The following RELCH variants were observed in gnomAD, a reference collection of about 807,000 sequenced individuals.
RELCH encodes the protein RAB11-binding protein RELCH.
A neutral mutation model predicts 150.3 loss-of-function variants in RELCH; 41 were observed. The observed-to-expected ratio is 0.27, with a 90% CI of 0.21 to 0.35. The LOEUF (loss-of-function observed/expected upper bound fraction) is 0.35, where lower values mean the gene tolerates loss of function less well. Among genes scored for constraint, RELCH ranks in the 10% least tolerant of loss-of-function variants. RELCH has a pLI of 1.00. For missense variants in RELCH, 1,092 were observed against 1,467.8 expected (o/e 0.74, Z 4.18); for synonymous variants, 478 against 531.8 (o/e 0.90, Z 1.39).
At chr18:62,211,877 C>G (rs1466673570) in intron 2 of RELCH, among the ~76,000 whole-genome samples, 3 of 152,192 alleles carry the variant, frequency 2.0e-5, no homozygotes, top group African/African-American at 7.2e-5. Context: ...CCAACCATCA[C>G]AGCATGTCTT....
intron 11 of RELCH, among the ~76,000 whole-genome samples, chr18:62,250,069 G>A (rs2042621323): frequency 6.6e-6 from 1 of 152,010 alleles, no homozygotes; most frequent in Non-Finnish European, 1.5e-5. Context: ...CTTGTACTGT[G>A]ATTTTCCACA....
At chr18:62,236,729 G>A (rs1458682085) in intron 10 of RELCH, among the ~76,000 whole-genome samples, 4 of 151,678 alleles carry the variant, frequency 2.6e-5, no homozygotes, top group Admixed American at 6.6e-5. Flanking sequence ...CTAGCTAAAC[G>A]TTTGTCAATT....
intron 10 of RELCH, among the ~76,000 whole-genome samples, chr18:62,244,439 A>C (rs892205418): frequency 6.6e-6 from 1 of 152,136 alleles, no homozygotes; most frequent in Non-Finnish European, 1.5e-5. Context: ...TTAGAATTAA[A>C]ATTACGGTGT....
intron 1 of RELCH, among the ~76,000 whole-genome samples, chr18:62,204,676 A>G (rs578053552): frequency 3.7e-4 from 57 of 152,302 alleles, no homozygotes; most frequent in African/African-American, 1.3e-3. Flanking sequence ...AGACGTACTG[A>G]TAACCCAATG....
At chr18:62,238,543 G>A (rs2041987378) in intron 10 of RELCH, among the ~76,000 whole-genome samples, 1 of 152,000 alleles carries the variant, frequency 6.6e-6, no homozygotes, top group Non-Finnish European at 1.5e-5. Context: ...ACTTCAAGTA[G>A]CATTTTTGGT....
chr18:62,261,104 A>G (rs1389109389), intron 15 of RELCH, among the ~76,000 whole-genome samples: 1 of 152,040 alleles, frequency 6.6e-6, no homozygotes, highest in Admixed American at 6.6e-5. Flanking sequence ...CAATACCTTG[A>G]TTCAATCATT....
chr18:62,228,628 A>G lies in RELCH; in HGVS notation c.1448+30A>G, dbSNP rs757712942. 2.6e-6 allele frequency: 4 copies of G among 1,529,040 alleles called. No homozygotes were observed. The South Asian group carries it at 3.7e-5, about 14-fold the overall frequency. The allele number at this position is 1,529,040 out of a possible 1,614,324, so 94.7% of individuals were successfully genotyped here. The stretch of plus-strand genomic sequence containing the variant: ...GTATGCATCCTATATTTTGAAATGC[A>G]TCTTTCAGCTATTTAGTACATGTCA... On this transcript the variant is annotated intron_variant, in intron 8 of 28. Transcript: ENST00000644646.
chr18:62,236,459 G>C lies in RELCH; in HGVS notation c.1620+4032G>C, dbSNP rs572021458. Among the ~76,000 whole-genome samples the C allele has an allele frequency of 4.0e-5, 6 of 151,684 alleles. No individual in the cohort carries two copies. In the East Asian group the frequency reaches 7.7e-4, roughly 19 times the overall value. ...GTATTTGGTATTGGTTTTGGTATTG[G>C]GCTAAGGCTGGCTTGATAGGGTATA... On this transcript the variant is annotated intron_variant, in intron 10 of 28. Transcript: ENST00000644646.
intron 25 of RELCH, 51 bp downstream of exon 25, chr18:62,282,495 C>T: frequency 5.1e-6 from 8 of 1,566,862 alleles, no homozygotes; most frequent in South Asian, 1.1e-5. Context: ...AAGATCAAAG[C>T]TAGACACTCC....
rs183989111 is a variant in RELCH at position 62,239,402 on chromosome 18, A to G, written c.1621-5362A>G. Among the ~76,000 whole-genome samples, 9 of 151,992 alleles carry G rather than the reference A, an allele frequency of 5.9e-5. No homozygotes were observed. The East Asian group carries it at 1.7e-3, about 29-fold the overall frequency. ...GGGTTTCCTTTTTATATGAACAGGA[A>G]CAAGCTGAAAAGTTTCAACTGAAAA... On this transcript the variant is annotated intron_variant, in intron 10 of 28. Coordinates refer to ENST00000644646, the MANE Select transcript of RELCH (RefSeq NM_001346231.2).
At chr18:62,274,435 G>T (rs1442742605) in intron 21 of RELCH, among the ~76,000 whole-genome samples, 1 of 152,160 alleles carries the variant, frequency 6.6e-6, no homozygotes, top group Non-Finnish European at 1.5e-5. Context: ...TTTGGCTCCT[G>T]TTTTCACTGT....
chr18:62,272,036 A>G (rs2043931342), intron 20 of RELCH, among the ~76,000 whole-genome samples: 2 of 152,194 alleles, frequency 1.3e-5, no homozygotes, highest in African/African-American at 4.8e-5. Context: ...ACAGTATCAC[A>G]TATTACCTTG....
At chr18:62,279,693 G>C (rs2044400799) in intron 22 of RELCH, 81 bp from the exon 23 acceptor site, 1 of 894,198 alleles carries the variant, frequency 1.1e-6, no homozygotes, top group African/African-American at 1.7e-5. Context: ...TCTCTTGGTT[G>C]TTCCTTCCTT....
intron 1 of RELCH, among the ~76,000 whole-genome samples, chr18:62,197,258 T>C (rs1443860224): frequency 2.6e-5 from 4 of 152,156 alleles, no homozygotes; most frequent in Admixed American, 6.5e-5. Context: ...GGAAGCAAGA[T>C]AAGGATATTA....
chr18:62,252,508 C>G (rs1369816723), intron 11 of RELCH, among the ~76,000 whole-genome samples, 156 bp from the exon 12 acceptor site: 1 of 150,574 alleles, frequency 6.6e-6, no homozygotes, highest in Non-Finnish European at 1.5e-5. Flanking sequence ...GACAGCCAGA[C>G]TCTATCTCAA....
At chr18:62,204,214 GA>G (rs2039639007) in intron 1 of RELCH, among the ~76,000 whole-genome samples, 1 of 151,854 alleles carries the variant, frequency 6.6e-6, no homozygotes, top group Admixed American at 6.6e-5. Context: ...TAATTCGAAG[GA>G]ATAATCATTT....
At chr18:62,220,954 C>A in intron 2 of RELCH, 83 bp from the exon 3 acceptor site, 1 of 1,032,938 alleles carries the variant, frequency 9.7e-7, no homozygotes, top group South Asian at 1.4e-5. Context: ...TTTTCATACC[C>A]ATCCTTGCTT....
chr18:62,188,107 T>G, intron 1 of RELCH, 76 bp downstream of exon 1: 2 of 1,418,746 alleles, frequency 1.4e-6, no homozygotes, highest in Non-Finnish European at 1.9e-6. Flanking sequence ...AGAGGGGGTA[T>G]TTCTGCGTGG....
At chr18:62,201,887 G>A (rs962834) in intron 1 of RELCH, among the ~76,000 whole-genome samples, 15,244 of 152,160 alleles carry the variant, frequency 0.1, 904 homozygotes, top group East Asian at 0.19. Flanking sequence ...GTGCCATGTA[G>A]TTTTCAAGGA....
Sources: allele counts gnomAD v4.1 joint callset (sites outside exome capture counted in the v4.1 genomes callset), GRCh38; gene constraint gnomAD v4.1.1; transcripts MANE v1.5; gene names NCBI Gene and HGNC (gene_info 2026-07-23, HGNC 2026-07-21).